Variants in EYS observed in about 807,000 individuals in gnomAD.
The protein encoded by EYS is EGF-like photoreceptor maintenance factor, also known as protein eyes shut homolog.
Under a neutral mutation model 282.1 loss-of-function variants are expected in EYS, and 250 were observed. The ratio of observed to expected loss-of-function variants is 0.89; its 90% CI spans 0.80 to 0.98. The LOEUF is 0.98. Among genes scored for constraint, EYS ranks in the 50% least tolerant of loss-of-function variants. EYS has a pLI of 0.00. For synonymous variants in EYS, 1,355 were observed against 1,282.9 expected (o/e 1.06, Z -1.20); for missense variants, 4,016 against 3,709.0 (o/e 1.08, Z -2.15).
At chr6:65,583,334 GTATATT>G (rs1422320855) in intron 2 of EYS, among the ~76,000 whole-genome samples, 16 of 151,968 alleles carry the variant, frequency 1.1e-4, no homozygotes, top group Admixed American at 7.2e-4. Flanking sequence ...TAGTTTAATG[GTATATT>G]TATGTCACAT....
At chr6:65,557,049 G>A (rs1768840201) in intron 2 of EYS, among the ~76,000 whole-genome samples, 1 of 152,168 alleles carries the variant, frequency 6.6e-6, no homozygotes, top group Non-Finnish European at 1.5e-5. Flanking sequence ...CATTAAAAAT[G>A]TACAGATGGT....
chr6:65,035,565 G>T (rs1185366305), intron 13 of EYS, among the ~76,000 whole-genome samples: 4 of 151,940 alleles, frequency 2.6e-5, no homozygotes, highest in African/African-American at 9.7e-5. Context: ...ACCACATTAA[G>T]AATGCAATTG....
At position 64,277,562 on chromosome 6, in the gene EYS, C is replaced by T. The variant is rs112100858; in HGVS notation, c.6191+29408G>A. ...AAGAAGTAAAAGGACTGGCCCTAGT[C>T]ATTGGGCAGATAAGATAATGTCCAT... On this transcript the variant is annotated intron_variant, in intron 30 of 42. Coordinates refer to ENST00000503581, the MANE Select transcript of EYS (RefSeq NM_001142800.2). Among the ~76,000 whole-genome samples, 788 of 152,176 alleles carry T rather than the reference C, an allele frequency of 5.2e-3. 5 individuals carry two copies. Among genetic ancestry groups the T allele is most frequent in the African/African-American group, 0.018 (754 of 41,550 alleles).
At chr6:64,100,098 T>C (rs1772775366) in intron 31 of EYS, among the ~76,000 whole-genome samples, 1 of 152,056 alleles carries the variant, frequency 6.6e-6, no homozygotes, top group African/African-American at 2.4e-5. Context: ...ATTTCTAGAC[T>C]GATATTTAGC....
chr6:64,545,198 A>G (rs1327576131), intron 26 of EYS, among the ~76,000 whole-genome samples: 1 of 152,212 alleles, frequency 6.6e-6, no homozygotes, highest in Non-Finnish European at 1.5e-5. Context: ...CATCCCTGGG[A>G]TGCAAGGCTG....
At chr6:64,133,087 G>A (rs1206962462) in intron 31 of EYS, among the ~76,000 whole-genome samples, 2 of 151,946 alleles carry the variant, frequency 1.3e-5, no homozygotes, top group African/African-American at 4.8e-5. Context: ...ACAAAGGGCA[G>A]ATAAAATATT....
At chr6:65,240,663 A>AT (rs948306658) in intron 12 of EYS, among the ~76,000 whole-genome samples, 7 of 152,052 alleles carry the variant, frequency 4.6e-5, no homozygotes, top group African/African-American at 7.2e-5. Context: ...ATATCACCAC[A>AT]TTTTTTTATC....
At chr6:64,660,533 G>A (rs1303312320) in intron 22 of EYS, among the ~76,000 whole-genome samples, 1 of 152,110 alleles carries the variant, frequency 6.6e-6, no homozygotes, top group Non-Finnish European at 1.5e-5. Context: ...AGCAACTTCA[G>A]CAAAGTCTCA....
At chr6:65,361,801 A>T (rs1024525201) in intron 8 of EYS, among the ~76,000 whole-genome samples, 10 of 152,128 alleles carry the variant, frequency 6.6e-5, no homozygotes, top group African/African-American at 2.4e-4. Flanking sequence ...TTCTTAGACT[A>T]CAGTGATTCA....
chr6:64,858,170 GC>G (rs1766125693), intron 19 of EYS, among the ~76,000 whole-genome samples: 1 of 151,886 alleles, frequency 6.6e-6, no homozygotes, highest in Non-Finnish European at 1.5e-5. Context: ...AAAATTATTG[GC>G]CAAACCAATG....
chr6:64,531,584 T>C (rs997287437), intron 26 of EYS, among the ~76,000 whole-genome samples: 2 of 149,804 alleles, frequency 1.3e-5, no homozygotes, highest in African/African-American at 4.9e-5. Context: ...TTTTATTTTA[T>C]TTTATTTTAT....
intron 1 of EYS, among the ~76,000 whole-genome samples, chr6:65,653,604 A>T (rs772329361): frequency 2.4e-4 from 36 of 151,834 alleles, no homozygotes; most frequent in Non-Finnish European, 2.9e-4. Context: ...TTTAATTCTG[A>T]CTCATGTAAG....
chr6:64,768,203 G>A (rs963277694), intron 22 of EYS, among the ~76,000 whole-genome samples: 1 of 151,498 alleles, frequency 6.6e-6, no homozygotes, highest in African/African-American at 2.4e-5. Flanking sequence ...ATAATCATAA[G>A]AGATATTTAA....
chr6:64,288,547 G>A (rs561634240), intron 30 of EYS, among the ~76,000 whole-genome samples: 3 of 152,258 alleles, frequency 2.0e-5, no homozygotes, highest in African/African-American at 4.8e-5. Context: ...TTCAACAAGA[G>A]AGTTCAGTGA....
chr6:65,510,875 T>G (rs72876290), intron 2 of EYS, among the ~76,000 whole-genome samples: 3,853 of 152,308 alleles, frequency 0.025, 80 homozygotes, highest in Non-Finnish European at 0.035. Context: ...ATTCCATTGG[T>G]AAATATGGTG....
chr6:64,469,003 C>T (rs535478139), intron 26 of EYS, among the ~76,000 whole-genome samples: 5 of 152,280 alleles, frequency 3.3e-5, no homozygotes, highest in South Asian at 4.1e-4. Flanking sequence ...ATTTATACTC[C>T]TTTGGGTATA....
intron 5 of EYS, among the ~76,000 whole-genome samples, chr6:65,467,119 T>A (rs1765030735): frequency 6.6e-6 from 1 of 152,186 alleles, no homozygotes; most frequent in Non-Finnish European, 1.5e-5. Context: ...GGACTATTTT[T>A]AAAACCATTA....
Position 64,849,882 on chromosome 6 carries a change from T to C in EYS, c.2993-27060A>G, listed in dbSNP as rs1407431860. Among the ~76,000 whole-genome samples the C allele has an allele frequency of 1.9e-4, 29 of 151,142 alleles. No individual in the cohort carries two copies. In the Admixed American group the frequency reaches 1.9e-3, roughly 10 times the overall value. ...TTTCTACTAAAAAAAGAAAGGTATGTGATTAGATTAGGCCCAGCCATAGGA... is the reference window on the plus strand; with the variant it reads ...TTTCTACTAAAAAAAGAAAGGTATGCGATTAGATTAGGCCCAGCCATAGGA... On this transcript the variant is annotated intron_variant, in intron 19 of 42. Transcript: ENST00000503581.
At chr6:65,299,750 T>A (rs1768765737) in intron 11 of EYS, among the ~76,000 whole-genome samples, 1 of 152,182 alleles carries the variant, frequency 6.6e-6, no homozygotes, top group African/African-American at 2.4e-5. Context: ...TGTTTTCATT[T>A]ATCTCAATAT....
Sources: allele counts gnomAD v4.1 joint callset (sites outside exome capture counted in the v4.1 genomes callset), GRCh38; gene constraint gnomAD v4.1.1; transcripts MANE v1.5; gene names NCBI Gene and HGNC (gene_info 2026-07-23, HGNC 2026-07-21).